HPSE2: variants seen among roughly 807,000 people sequenced by gnomAD.
The protein encoded by HPSE2 is heparanase 2 (inactive).
A neutral mutation model predicts 60.5 loss-of-function variants in HPSE2; 38 were observed. That is an observed-to-expected ratio of 0.63 (90% CI 0.48 to 0.82). The LOEUF (loss-of-function observed/expected upper bound fraction) is 0.82, where lower values mean the gene tolerates loss of function less well. Among genes scored for constraint, HPSE2 ranks in the 40% least tolerant of loss-of-function variants. HPSE2 has a pLI of 0.00. For synonymous variants in HPSE2, 295 were observed against 293.2 expected (o/e 1.01, Z -0.06); for missense variants, 713 against 740.4 (o/e 0.96, Z 0.43).
the HPSE2 span, among the ~76,000 whole-genome samples, chr10:99,271,635 G>C: frequency 2.6e-5 from 4 of 152,112 alleles, no homozygotes; most frequent in Non-Finnish European, 5.9e-5. Flanking sequence ...CACAGAACTA[G>C]AGAAAACAAA....
chr10:98,467,039 A>C (rs1300832898), intron 11 of HPSE2, among the ~76,000 whole-genome samples: 1 of 151,790 alleles, frequency 6.6e-6, no homozygotes, highest in Non-Finnish European at 1.5e-5. Flanking sequence ...CGGCCTAAGC[A>C]CAGGGGTTTT....
intron 7 of HPSE2, among the ~76,000 whole-genome samples, chr10:98,620,921 T>G (rs889097230): frequency 9.9e-5 from 15 of 152,182 alleles, no homozygotes; most frequent in African/African-American, 3.4e-4. Flanking sequence ...TTAAAGAAAT[T>G]ATCATTTTTC....
At chr10:99,030,487 A>G (rs957550333) in intron 3 of HPSE2, among the ~76,000 whole-genome samples, 2 of 152,262 alleles carry the variant, frequency 1.3e-5, no homozygotes, top group Non-Finnish European at 2.9e-5. Context: ...CCATAAGGCA[A>G]TAACACATGC....
intron 6 of HPSE2, among the ~76,000 whole-genome samples, chr10:98,661,853 C>T (rs749159382): frequency 1.3e-5 from 2 of 152,180 alleles, no homozygotes; most frequent in Non-Finnish European, 2.9e-5. Context: ...TGGCCTTGGG[C>T]AAGTCAGTTA....
the HPSE2 span, among the ~76,000 whole-genome samples, chr10:99,293,226 G>GA: frequency 8.7e-5 from 13 of 149,706 alleles, no homozygotes; most frequent in Non-Finnish European, 1.0e-4. Flanking sequence ...CAGCAAAAAG[G>GA]AAAAAAAAAG....
chr10:99,167,489 C>G lies in HPSE2; in HGVS notation c.449-23090G>C, dbSNP rs10400101. Among the ~76,000 whole-genome samples, 1,001 of 152,282 alleles carry G rather than the reference C, an allele frequency of 6.6e-3. 7 individuals carry two copies. Among genetic ancestry groups the G allele is most frequent in the African/African-American group, 0.022 (930 of 41,550 alleles). ...GGTTTATCTTTTCACATAAGAACTT[C>G]CAATTTTTCTAGTCTCATTTGTTGA... is the stretch of plus-strand genomic sequence containing the variant. On this transcript the variant is annotated intron_variant, in intron 2 of 11. Transcript: ENST00000370552.
chr10:99,133,609 G>T (rs192202290), intron 3 of HPSE2, among the ~76,000 whole-genome samples: 10 of 152,258 alleles, frequency 6.6e-5, no homozygotes, highest in Non-Finnish European at 1.2e-4. Flanking sequence ...AGTCAGGAGT[G>T]GGCCTCCAGC....
chr10:98,949,141 C>T (rs947570179), intron 3 of HPSE2, among the ~76,000 whole-genome samples: 4 of 151,890 alleles, frequency 2.6e-5, no homozygotes, highest in Non-Finnish European at 4.4e-5. Context: ...CACCCACATA[C>T]AAAAACAACA....
chr10:98,684,609 T>C (rs974994090), intron 6 of HPSE2, among the ~76,000 whole-genome samples: 2 of 151,962 alleles, frequency 1.3e-5, no homozygotes, highest in African/African-American at 4.8e-5. Context: ...ATAAGTAAGT[T>C]TGGGTATATG....
chr10:98,822,188 T>C (rs574518438), intron 3 of HPSE2, among the ~76,000 whole-genome samples: 10 of 152,292 alleles, frequency 6.6e-5, no homozygotes, highest in East Asian at 1.9e-4. Context: ...AACTGTCTTG[T>C]ACTGTTTGTC....
At chr10:98,943,227 A>T (rs1034684233) in intron 3 of HPSE2, among the ~76,000 whole-genome samples, 6 of 151,776 alleles carry the variant, frequency 4.0e-5, no homozygotes, top group Non-Finnish European at 8.8e-5. Flanking sequence ...AACTTAAAGT[A>T]TAATAATAAT....
At chr10:98,704,314 T>A (rs951190195) in intron 5 of HPSE2, among the ~76,000 whole-genome samples, 2 of 151,996 alleles carry the variant, frequency 1.3e-5, no homozygotes, top group Admixed American at 1.3e-4. Flanking sequence ...ATCAATACCG[T>A]GAAAATGGCC....
chr10:99,299,413 A>G, the HPSE2 span, among the ~76,000 whole-genome samples: 1 of 152,218 alleles, frequency 6.6e-6, no homozygotes, highest in Non-Finnish European at 1.5e-5. Flanking sequence ...TCTGCAAGGA[A>G]AAATTTGGTT....
intron 3 of HPSE2, among the ~76,000 whole-genome samples, chr10:98,914,399 T>C (rs951079588): frequency 6.6e-6 from 1 of 151,928 alleles, no homozygotes; most frequent in Non-Finnish European, 1.5e-5. Flanking sequence ...AGTGTGAAAA[T>C]GGACTAATAC....
intron 3 of HPSE2, among the ~76,000 whole-genome samples, chr10:98,988,984 A>C (rs1170606926): frequency 2.0e-4 from 30 of 148,792 alleles, no homozygotes; most frequent in Admixed American, 1.0e-3. Context: ...ATCATTAAAA[A>C]GTCAGGAAAC....
intron 3 of HPSE2, among the ~76,000 whole-genome samples, chr10:99,054,648 G>T (rs1958067940): frequency 6.6e-6 from 1 of 152,192 alleles, no homozygotes; most frequent in Non-Finnish European, 1.5e-5. Flanking sequence ...GTTAAAATAA[G>T]AATCAATACT....
intron 3 of HPSE2, among the ~76,000 whole-genome samples, chr10:98,837,818 G>A (rs920845698): frequency 1.2e-4 from 18 of 151,458 alleles, no homozygotes; most frequent in African/African-American, 4.4e-4. Context: ...AGCTTACAGT[G>A]AGCCGAGATC....
intron 3 of HPSE2, among the ~76,000 whole-genome samples, chr10:98,885,017 C>T (rs754766809): frequency 6.6e-6 from 1 of 152,086 alleles, no homozygotes; most frequent in South Asian, 2.1e-4. Context: ...AAATTGAAAA[C>T]CTATGGAAAT....
At chr10:99,142,980 A>T (rs755951029) in intron 3 of HPSE2, among the ~76,000 whole-genome samples, 1 of 152,114 alleles carries the variant, frequency 6.6e-6, no homozygotes, top group African/African-American at 2.4e-5. Context: ...ATACACACAC[A>T]CACATGCACA....
Sources: gnomAD v4.1 joint callset for allele counts (sites outside exome capture counted in the v4.1 genomes callset) on GRCh38, gnomAD v4.1.1 for gene constraint, MANE v1.5 for transcripts, NCBI Gene and HGNC (gene_info 2026-07-23, HGNC 2026-07-21) for gene names.